DPYD: variants seen among roughly 807,000 people sequenced by gnomAD.
DPYD encodes the protein dihydropyrimidine dehydrogenase [NADP(+)].
A neutral mutation model predicts 116.2 loss-of-function variants in DPYD; 109 were observed. The ratio of observed to expected loss-of-function variants is 0.94; its 90% CI spans 0.80 to 1.10. DPYD has a LOEUF of 1.10. Ranked by LOEUF, DPYD falls within the 50% of genes least tolerant of loss-of-function variation. DPYD has a pLI of 0.00. For synonymous variants in DPYD, 440 were observed against 432.0 expected (o/e 1.02, Z -0.23); for missense variants, 1,302 against 1,254.5 (o/e 1.04, Z -0.57).
At chr1:97,904,767 T>C (rs920755862) in intron 1 of DPYD, among the ~76,000 whole-genome samples, 1 of 152,034 alleles carries the variant, frequency 6.6e-6, no homozygotes, top group African/African-American at 2.4e-5. Context: ...GAAATATATA[T>C]GTTAATCAGC....
chr1:97,390,194 T>C (rs1672618211), intron 14 of DPYD, among the ~76,000 whole-genome samples: 2 of 152,038 alleles, frequency 1.3e-5, no homozygotes, highest in African/African-American at 4.8e-5. Flanking sequence ...GTGAACTACA[T>C]AGGAAATCCA....
chr1:97,878,803 T>G (rs949265213), intron 2 of DPYD, among the ~76,000 whole-genome samples: 1 of 151,970 alleles, frequency 6.6e-6, no homozygotes, highest in Admixed American at 6.6e-5. Context: ...GTATTATTAT[T>G]ATTTATTGGT....
At chr1:97,600,821 G>A (rs184113221) in intron 8 of DPYD, among the ~76,000 whole-genome samples, 1 of 152,126 alleles carries the variant, frequency 6.6e-6, no homozygotes, top group Non-Finnish European at 1.5e-5. Flanking sequence ...GATATACACA[G>A]TTTATATTAT....
chr1:97,335,257 T>C (rs1325149573), intron 16 of DPYD, among the ~76,000 whole-genome samples: 1 of 151,198 alleles, frequency 6.6e-6, no homozygotes, highest in Non-Finnish European at 1.5e-5. Context: ...GCTTAGTTGT[T>C]CTTCACGCTG....
At chr1:97,773,805 C>T (rs1032881567) in intron 3 of DPYD, among the ~76,000 whole-genome samples, 1 of 152,196 alleles carries the variant, frequency 6.6e-6, no homozygotes, top group Non-Finnish European at 1.5e-5. Context: ...GCTCCCCATC[C>T]ATCTGCTGAC....
chr1:97,759,336 C>T (rs1217264876), intron 3 of DPYD, among the ~76,000 whole-genome samples: 1 of 152,100 alleles, frequency 6.6e-6, no homozygotes, highest in Non-Finnish European at 1.5e-5. Context: ...CTGGTTAATG[C>T]TTCTTAAAAT....
chr1:97,153,333 A>G lies in DPYD; in HGVS notation c.2622+39736T>C, dbSNP rs367672956. On this transcript the variant is annotated intron_variant, in intron 20 of 22. Coordinates refer to ENST00000370192, the MANE Select transcript of DPYD (RefSeq NM_000110.4). The stretch of plus-strand genomic sequence containing the variant: ...TTCATGAGCAATATGATGACCTGGC[A>G]TGACGTGCAACTTTAGGTCTGGCTC... 2.0e-3 allele frequency among the ~76,000 whole-genome samples: 299 copies of G among 152,288 alleles called. 1 individual carries two copies. Among genetic ancestry groups the G allele is most frequent in the Non-Finnish European group, 3.3e-3 (222 of 68,032 alleles).
In DPYD at chr1:97,102,589, C is replaced by CT. The variant is rs78257804; in HGVS notation, c.2623-3958dup. On this transcript the variant is annotated intron_variant, in intron 20 of 22. Coordinates refer to ENST00000370192, the MANE Select transcript of DPYD (RefSeq NM_000110.4). The stretch of plus-strand genomic sequence containing the variant: ...CATGTAAAGGATATCTAAAAGTTGA[C>CT]TTTTTTTTCCCAAAAGACATGTTTG... 0.019 allele frequency among the ~76,000 whole-genome samples: 2,906 copies of CT among 150,070 alleles called. 250 individuals are homozygous for CT. The East Asian group carries it at 0.28, about 15-fold the overall frequency.
At chr1:97,441,691 T>C (rs559194750) in intron 14 of DPYD, among the ~76,000 whole-genome samples, 9 of 152,356 alleles carry the variant, frequency 5.9e-5, no homozygotes, top group Admixed American at 2.0e-4. Flanking sequence ...CCTCCTATAA[T>C]GGCTTATGTT....
intron 13 of DPYD, among the ~76,000 whole-genome samples, chr1:97,488,935 C>T (rs925050395): frequency 3.3e-5 from 5 of 152,202 alleles, no homozygotes; most frequent in Admixed American, 3.3e-4. Context: ...AGCCCTGCTC[C>T]ACAACGAGCT....
intron 8 of DPYD, among the ~76,000 whole-genome samples, chr1:97,673,101 T>G (rs1006728921): frequency 6.6e-6 from 1 of 152,078 alleles, no homozygotes; most frequent in African/African-American, 2.4e-5. Flanking sequence ...TTTGCACTTG[T>G]TATTTTTTTT....
chr1:97,503,803 AT>A (rs563017019), intron 13 of DPYD, among the ~76,000 whole-genome samples: 178 of 152,148 alleles, frequency 1.2e-3, no homozygotes, highest in African/African-American at 3.8e-3. Flanking sequence ...AGAAAAAAAA[AT>A]CTCTATATGC....
chr1:97,399,219 C>T (rs1673203869), intron 14 of DPYD, among the ~76,000 whole-genome samples: 1 of 152,144 alleles, frequency 6.6e-6, no homozygotes, highest in Non-Finnish European at 1.5e-5. Flanking sequence ...TTCCCCATTG[C>T]TTGTTTTTGT....
intron 2 of DPYD, among the ~76,000 whole-genome samples, chr1:97,836,011 T>C (rs1669755346): frequency 6.6e-6 from 1 of 152,164 alleles, no homozygotes; most frequent in South Asian, 2.1e-4. Flanking sequence ...CTCTAGGATA[T>C]TATCCCTATA....
chr1:97,369,491 A>G (rs1671205841), intron 16 of DPYD, among the ~76,000 whole-genome samples: 1 of 152,180 alleles, frequency 6.6e-6, no homozygotes. Context: ...CCCTTTATTC[A>G]GGCTAATATC....
At chr1:97,452,323 T>C (rs967647029) in intron 13 of DPYD, among the ~76,000 whole-genome samples, 2 of 152,166 alleles carry the variant, frequency 1.3e-5, no homozygotes, top group Admixed American at 6.6e-5. Context: ...ATAAGACTTG[T>C]AAAGAAAGAA....
At chr1:97,914,621 G>A (rs1054238100) in intron 1 of DPYD, among the ~76,000 whole-genome samples, 13 of 152,166 alleles carry the variant, frequency 8.5e-5, no homozygotes, top group African/African-American at 2.2e-4. Context: ...ATTAACCTAC[G>A]TAATAGATGT....
At chr1:97,269,568 T>G (rs1460858567) in intron 18 of DPYD, among the ~76,000 whole-genome samples, 1 of 152,138 alleles carries the variant, frequency 6.6e-6, no homozygotes, top group Non-Finnish European at 1.5e-5. Flanking sequence ...GAACAGAGAT[T>G]TATTTCTTAT....
chr1:97,093,711 T>C (rs1313659963), intron 21 of DPYD, among the ~76,000 whole-genome samples: 3 of 152,170 alleles, frequency 2.0e-5, no homozygotes, highest in Non-Finnish European at 4.4e-5. Flanking sequence ...ACCATAAATA[T>C]AATCTGTTAA....
Sources: allele counts gnomAD v4.1 joint callset (sites outside exome capture counted in the v4.1 genomes callset), GRCh38; gene constraint gnomAD v4.1.1; transcripts MANE v1.5; gene names NCBI Gene and HGNC (gene_info 2026-07-23, HGNC 2026-07-21).